RASGRF2: variants seen among roughly 807,000 people sequenced by gnomAD.
RASGRF2 encodes ras-specific guanine nucleotide-releasing factor 2.
Under a neutral mutation model 151.0 loss-of-function variants are expected in RASGRF2, and 76 were observed. The ratio of observed to expected loss-of-function variants is 0.50; its 90% confidence interval spans 0.42 to 0.61. The LOEUF (loss-of-function observed/expected upper bound fraction) is 0.61, where lower values mean the gene tolerates loss of function less well. RASGRF2 is among the 20% of genes least tolerant of loss of function. RASGRF2 has a pLI of 0.00. For synonymous variants in RASGRF2, 504 were observed against 566.5 expected (o/e 0.89, Z 1.57); for missense variants, 1,148 against 1,564.6 (o/e 0.73, Z 4.49).
chr5:80,970,071 C>T (rs189222316), intron 1 of RASGRF2, among the ~76,000 whole-genome samples: 119 of 151,878 alleles, frequency 7.8e-4, no homozygotes, highest in African/African-American at 2.8e-3. Context: ...GTGATCTGCC[C>T]GCCTTGGCCT....
rs527530103 is a variant in RASGRF2 at position 81,118,175 on chromosome 5, A to G, written c.2470+4255A>G. Among the ~76,000 whole-genome samples, 14 of 152,282 alleles carry G rather than the reference A, an allele frequency of 9.2e-5. No homozygotes were observed. In the South Asian group the frequency reaches 2.9e-3, roughly 32 times the overall value. On this transcript the variant is annotated intron_variant, in intron 15 of 26. Coordinates refer to ENST00000265080, the MANE Select transcript of RASGRF2 (RefSeq NM_006909.3). ...CATTGCCCCAGTGAGGACTCTCTTCAGTGTCTCCATCCCTGCAATAGGTCT... is the reference window on the plus strand; with the variant it reads ...CATTGCCCCAGTGAGGACTCTCTTCGGTGTCTCCATCCCTGCAATAGGTCT...
At chr5:81,038,340 G>A (rs1014778214) in intron 1 of RASGRF2, among the ~76,000 whole-genome samples, 1 of 152,004 alleles carries the variant, frequency 6.6e-6, no homozygotes. Flanking sequence ...AATTCTTTCC[G>A]GTGCTGTCTC....
chr5:81,184,852 A>C (rs1023704208), intron 18 of RASGRF2, among the ~76,000 whole-genome samples: 6 of 152,330 alleles, frequency 3.9e-5, no homozygotes, highest in African/African-American at 1.4e-4. Flanking sequence ...AGTGACCAAG[A>C]TCCAGGCAGT....
chr5:81,111,494 G>A (rs1752992100), intron 13 of RASGRF2, among the ~76,000 whole-genome samples: 1 of 152,108 alleles, frequency 6.6e-6, no homozygotes, highest in Admixed American at 6.5e-5. Flanking sequence ...TTTTTTAAGT[G>A]AAGACATTTT....
At chr5:81,139,405 CTTTT>C (rs757190046) in intron 17 of RASGRF2, among the ~76,000 whole-genome samples, 28 of 60,442 alleles carry the variant, frequency 4.6e-4, no homozygotes, top group Admixed American at 6.4e-4. Flanking sequence ...TTCTTTCTTT[CTTTT>C]TTTTTTTTTT....
chr5:80,977,268 C>T (rs1478089473), intron 1 of RASGRF2, among the ~76,000 whole-genome samples: 1 of 152,086 alleles, frequency 6.6e-6, no homozygotes, highest in Non-Finnish European at 1.5e-5. Flanking sequence ...TATATTGAGG[C>T]CAAATTCCCA....
intron 2 of RASGRF2, among the ~76,000 whole-genome samples, chr5:81,062,656 A>G (rs1165437958): frequency 4.6e-5 from 7 of 152,252 alleles, no homozygotes; most frequent in Admixed American, 4.6e-4. Flanking sequence ...GTCCCAAAGT[A>G]TCAAGGTTGG....
chr5:81,018,114 A>G (rs1749701364), intron 1 of RASGRF2, among the ~76,000 whole-genome samples: 2 of 149,668 alleles, frequency 1.3e-5, no homozygotes, highest in South Asian at 4.2e-4. Context: ...CTCAAAAAAA[A>G]AAGAAAGAAA....
chr5:81,162,226 A>G (rs1754401183), intron 17 of RASGRF2, among the ~76,000 whole-genome samples: 1 of 151,490 alleles, frequency 6.6e-6, no homozygotes, highest in African/African-American at 2.4e-5. Context: ...AGTGGTGAGA[A>G]GTTGATTGTG....
At chr5:81,156,960 T>A (rs973411912) in intron 17 of RASGRF2, among the ~76,000 whole-genome samples, 1 of 152,120 alleles carries the variant, frequency 6.6e-6, no homozygotes, top group African/African-American at 2.4e-5. Flanking sequence ...AACTAATAAG[T>A]GCAACAAACG....
In RASGRF2 at chr5:80,960,607, C is replaced by T. The variant is rs1304898886; in HGVS notation, c.-132C>T. The T allele has an allele frequency of 6.6e-6, 6 of 906,532 alleles. No individual in the cohort carries two copies. Among genetic ancestry groups the T allele is most frequent in the Non-Finnish European group, 8.6e-6 (6 of 694,084 alleles). 56.2% of individuals were successfully genotyped at this position (906,532 alleles called of 1,614,324 possible). A position where few individuals can be genotyped will look rare whatever the true frequency, so the allele number is the denominator to read the frequency against. ...GAAAGCGGGCGGGGTGCCCTGCGCG[C>T]GGCGTGGGGAAAGGGGGCGCCCTTC... On this transcript the variant is annotated 5_prime_UTR_variant, in exon 1 of 27. Coordinates refer to ENST00000265080, the MANE Select transcript of RASGRF2 (RefSeq NM_006909.3). This position sits in a 1 kb window ranked among gnomAD's most constrained non-coding sequence, Gnocchi z 5.5.
intron 25 of RASGRF2, among the ~76,000 whole-genome samples, chr5:81,217,843 C>T (rs1229711737): frequency 1.9e-4 from 29 of 151,480 alleles, no homozygotes; most frequent in African/African-American, 4.6e-4. Context: ...CCCGGGTTCA[C>T]GCCATTCTCC....
chr5:81,172,333 A>G (rs1754675366), intron 17 of RASGRF2, among the ~76,000 whole-genome samples: 2 of 152,170 alleles, frequency 1.3e-5, no homozygotes, highest in African/African-American at 4.8e-5. Flanking sequence ...ATTTCCTTGA[A>G]AGATGAAAGC....
At chr5:81,137,929 A>G (rs1561226688) in intron 17 of RASGRF2, among the ~76,000 whole-genome samples, 2 of 152,158 alleles carry the variant, frequency 1.3e-5, no homozygotes, top group South Asian at 2.1e-4. Context: ...GATAATAGAG[A>G]CTGAGAATGA....
At chr5:81,032,510 G>T (rs1402163727) in intron 1 of RASGRF2, among the ~76,000 whole-genome samples, 1 of 152,108 alleles carries the variant, frequency 6.6e-6, no homozygotes, top group Non-Finnish European at 1.5e-5. Flanking sequence ...ATCAATAAAC[G>T]TAATCCAGCA....
chr5:81,132,259 A>G (rs1294935342), intron 17 of RASGRF2, among the ~76,000 whole-genome samples: 1 of 152,256 alleles, frequency 6.6e-6, no homozygotes, highest in Non-Finnish European at 1.5e-5. Context: ...TACCGAATTA[A>G]TGAATCAATG....
chr5:81,202,780 A>G (rs1755426604), intron 19 of RASGRF2, among the ~76,000 whole-genome samples: 1 of 152,240 alleles, frequency 6.6e-6, no homozygotes, highest in Non-Finnish European at 1.5e-5. Flanking sequence ...GACACAGACA[A>G]TGCCATCTGA....
chr5:80,978,166 T>C (rs984737829), intron 1 of RASGRF2, among the ~76,000 whole-genome samples: 1 of 152,150 alleles, frequency 6.6e-6, no homozygotes, highest in Non-Finnish European at 1.5e-5. Context: ...CATAGCTAAA[T>C]TGATATTTAT....
intron 9 of RASGRF2, among the ~76,000 whole-genome samples, chr5:81,089,026 G>T (rs905676663): frequency 4.6e-5 from 7 of 152,076 alleles, no homozygotes; most frequent in African/African-American, 1.7e-4. Context: ...TGTGTGGTTT[G>T]GTTAGTTGTT....
Sources: gnomAD v4.1 joint callset for allele counts (sites outside exome capture counted in the v4.1 genomes callset) on GRCh38, gnomAD v4.1.1 for gene constraint, Gnocchi (gnomAD v3.1) non-coding constraint, MANE v1.5 for transcripts, NCBI Gene and HGNC (gene_info 2026-07-23, HGNC 2026-07-21) for gene names.